Variants in DGKE observed in about 807,000 individuals in gnomAD.
DGKE encodes DAG kinase epsilon.
In DGKE, 53 loss-of-function variants were observed where a neutral mutation model predicts 70.0. That is an observed-to-expected ratio of 0.76 (90% CI 0.61 to 0.95). The LOEUF (loss-of-function observed/expected upper bound fraction) is 0.95, where lower values mean the gene tolerates loss of function less well. Ranked by LOEUF, DGKE falls within the 40% of genes least tolerant of loss-of-function variation. The pLI is 0.00. For synonymous variants in DGKE, 291 were observed against 257.0 expected (o/e 1.13, Z -1.27); for missense variants, 655 against 706.9 (o/e 0.93, Z 0.83).
intron 3 of DGKE, among the ~76,000 whole-genome samples, chr17:56,844,409 A>G (rs575804140): frequency 1.2e-4 from 18 of 152,320 alleles, no homozygotes; most frequent in African/African-American, 4.3e-4. Context: ...TTTCATGTCT[A>G]AAAGGAAATT....
chr17:56,849,287 G>T (rs533679722), intron 7 of DGKE, 55 bp downstream of exon 7: 2 of 1,499,522 alleles, frequency 1.3e-6, no homozygotes, highest in South Asian at 1.2e-5. Context: ...CACAAGATAC[G>T]GCACTCTGTG....
At chr17:56,859,249 C>T (rs1431780331) in intron 9 of DGKE, among the ~76,000 whole-genome samples, 1 of 151,118 alleles carries the variant, frequency 6.6e-6, no homozygotes, top group Non-Finnish European at 1.5e-5. Context: ...GGCGTGGACC[C>T]GGGAGGCGGA....
intron 8 of DGKE, 149 bp downstream of exon 8, chr17:56,856,774 A>G: frequency 1.9e-6 from 2 of 1,026,136 alleles, no homozygotes; most frequent in South Asian, 2.0e-5. Context: ...GTCAAATTAG[A>G]TCTTTTTTTT....
chr17:56,836,065 G>C (rs1906598760), intron 2 of DGKE: 1 of 152,214 alleles, frequency 6.6e-6, no homozygotes, highest in Non-Finnish European at 1.5e-5. Context: ...AGGATTTCCA[G>C]CTCTGGACTA....
intron 2 of DGKE, among the ~76,000 whole-genome samples, chr17:56,837,757 AG>A (rs1385571099): frequency 6.6e-6 from 1 of 152,246 alleles, no homozygotes; most frequent in East Asian, 1.9e-4. Flanking sequence ...TCTCATTCTT[AG>A]GGAAGTGAGT....
At chr17:56,843,410 T>C (rs1907103044) in intron 2 of DGKE, among the ~76,000 whole-genome samples, 1 of 152,164 alleles carries the variant, frequency 6.6e-6, no homozygotes, top group Non-Finnish European at 1.5e-5. Context: ...CTGTACGCTT[T>C]TGAGAGGTTG....
rs1206100461 is a variant in DGKE, at chr17:56,862,335, TTCTTTAAACA to T, written c.1524+85_1524+94del. ...TATGTAAAATATACATGCTATACTTTTCTTTAAACAGTGGTTTATGGCTCATGCAGCTGGT... is the reference window on the plus strand; with the variant it reads ...TATGTAAAATATACATGCTATACTTTGTGGTTTATGGCTCATGCAGCTGGT... On this transcript the variant is annotated intron_variant, in intron 11 of 11. Transcript: ENST00000284061. 14 of 1,325,960 alleles carry T rather than the reference TTCTTTAAACA, an allele frequency of 1.1e-5. No homozygotes were observed. In the African/African-American group the frequency reaches 2.0e-4, roughly 19 times the overall value. The allele number at this position is 1,325,960 out of a possible 1,614,324, so 82.1% of individuals were successfully genotyped here.
In DGKE at chr17:56,861,793, A is replaced by G; in HGVS notation, c.1287A>G (p.Leu429=). ...TATCTATTTGTATTTCTTTAAAGCT[A>G]GAACTGGATGGTGAGCGAGTAGCAC... ...ECKDLNKKVE[L]ELDGERVALP... is the part of the protein sequence containing the mutation. Residue 429 remains leucine (L), a splice_region_variant and synonymous_variant, in exon 10 of 12, where the codon CTA becomes CTG. Transcript: ENST00000284061. The G allele has an allele frequency of 1.2e-6, 2 of 1,612,306 alleles. No individual in the cohort carries two copies. The highest frequency in any genetic ancestry group is 1.7e-6 in the Non-Finnish European group (2 of 1,179,612).
intron 3 of DGKE, among the ~76,000 whole-genome samples, chr17:56,844,669 T>G (rs1444535516): frequency 6.6e-6 from 1 of 152,126 alleles, no homozygotes; most frequent in Non-Finnish European, 1.5e-5. Flanking sequence ...CTAAAACTAT[T>G]TTTCTATTTT....
At position 56,867,388 on chromosome 17, in the gene DGKE, T is replaced by C. The variant is rs545034641; in HGVS notation, c.*4597T>C. On this transcript the variant is annotated 3_prime_UTR_variant, in exon 12 of 12. Transcript: ENST00000284061. ...GCTAAGGGAGGCGTATCACCTGAGGTCAGGAGTTTGAGACAAGCCTGGTCA... is the reference window on the plus strand; with the variant it reads ...GCTAAGGGAGGCGTATCACCTGAGGCCAGGAGTTTGAGACAAGCCTGGTCA... The C allele has an allele frequency of 6.6e-6, 1 of 151,646 alleles. No individual in the cohort carries two copies. Among genetic ancestry groups the C allele is most frequent in the East Asian group, 2.0e-4 (1 of 5,112 alleles). 9.4% of individuals were successfully genotyped at this position (151,646 alleles called of 1,614,324 possible).
intron 2 of DGKE, among the ~76,000 whole-genome samples, chr17:56,837,673 A>G (rs2144195414): frequency 6.6e-6 from 1 of 152,360 alleles, no homozygotes; most frequent in South Asian, 2.1e-4. Context: ...ATAGCTACTT[A>G]GAACCTTTAA....
intron 3 of DGKE, among the ~76,000 whole-genome samples, chr17:56,845,312 A>G (rs1907216671): frequency 6.6e-6 from 1 of 152,154 alleles, no homozygotes. Flanking sequence ...GAAAAAAATC[A>G]GTGTCTATTC....
In DGKE at chr17:56,865,332, A is replaced by G. The variant is rs939215341; in HGVS notation, c.*2541A>G. On this transcript the variant is annotated 3_prime_UTR_variant, in exon 12 of 12. Coordinates refer to ENST00000284061, the MANE Select transcript of DGKE (RefSeq NM_003647.3). ...CAGGAAGAAATACATGAAGTAAATC[A>G]TATCTCCATGTCTGTTTCCAGATTT... 3 of 152,184 alleles carry G rather than the reference A, an allele frequency of 2.0e-5. No homozygotes were observed. The highest frequency in any genetic ancestry group is 1.9e-4 in the East Asian group (1 of 5,200). The allele number at this position is 152,184 out of a possible 1,614,324, so 9.4% of individuals were successfully genotyped here. A position where few individuals can be genotyped will look rare whatever the true frequency, so the allele number is the denominator to read the frequency against.
intron 9 of DGKE, among the ~76,000 whole-genome samples, chr17:56,860,011 A>G (rs142377355): frequency 8.1e-4 from 124 of 152,318 alleles, no homozygotes; most frequent in African/African-American, 2.9e-3. Context: ...TTACTTTATC[A>G]TATTTTATTT....
At chr17:56,854,244 A>G (rs1368196138) in intron 7 of DGKE, among the ~76,000 whole-genome samples, 1 of 152,200 alleles carries the variant, frequency 6.6e-6, no homozygotes, top group Non-Finnish European at 1.5e-5. Context: ...CTGCTATTGC[A>G]CAGCTTGGTG....
chr17:56,835,019 G>A lies in DGKE; in HGVS notation c.224G>A (p.Cys75Tyr). The A allele has an allele frequency of 6.2e-7, 1 of 1,612,824 alleles. No individual in the cohort carries two copies. The highest frequency in any genetic ancestry group is 1.7e-5 in the Admixed American group (1 of 60,020). Residue 75 changes from cysteine (C) to tyrosine (Y), a missense_variant, in exon 2 of 12, where the codon TGC becomes TAC. Transcript: ENST00000284061. ...TDLFSQPTYCCVCAQHILQGA... is the reference protein window; with the variant it reads ...TDLFSQPTYCYVCAQHILQGA... ...CTGTTCAGCCAGCCCACCTACTGCT[G>A]CGTGTGCGCGCAGCACATTCTGCAG...
chr17:56,855,367 G>C (rs1242347913), intron 7 of DGKE, among the ~76,000 whole-genome samples: 4 of 151,962 alleles, frequency 2.6e-5, no homozygotes, highest in Non-Finnish European at 5.9e-5. Context: ...AGGTGCACTT[G>C]AGTAAAGTCA....
Position 56,864,026 on chromosome 17 carries a change from G to T in DGKE, c.*1235G>T, listed in dbSNP as rs1430883374. 6.6e-6 allele frequency: 1 copy of T among 152,144 alleles called. No homozygotes were observed. Among genetic ancestry groups the T allele is most frequent in the Non-Finnish European group, 1.5e-5 (1 of 68,032 alleles). 9.4% of individuals were successfully genotyped at this position (152,144 alleles called of 1,614,324 possible). Reference sequence around the variant, plus strand: ...CCTCATTGTATTGAAAAATGAAGGAGGGCATGAAAAGCACTAGGGAACTAC... The same window carrying T: ...CCTCATTGTATTGAAAAATGAAGGATGGCATGAAAAGCACTAGGGAACTAC... On this transcript the variant is annotated 3_prime_UTR_variant, in exon 12 of 12. Coordinates refer to ENST00000284061, the MANE Select transcript of DGKE (RefSeq NM_003647.3).
rs561106243 is a variant in DGKE, at chr17:56,860,150, A to C, written c.1284+1485A>C. Among the ~76,000 whole-genome samples the C allele has an allele frequency of 4.6e-5, 7 of 152,326 alleles. No homozygotes were observed. The South Asian group carries it at 1.4e-3, about 32-fold the overall frequency. ...ATTATACAGAAATAAAATAAATTTT[A>C]TTTATATACCTACAAAATAGTCATT... is the stretch of plus-strand genomic sequence containing the variant. On this transcript the variant is annotated intron_variant, in intron 9 of 11. Coordinates refer to ENST00000284061, the MANE Select transcript of DGKE (RefSeq NM_003647.3).
Sources: allele counts gnomAD v4.1 joint callset (sites outside exome capture counted in the v4.1 genomes callset), GRCh38; gene constraint gnomAD v4.1.1; transcripts MANE v1.5; gene names NCBI Gene and HGNC (gene_info 2026-07-23, HGNC 2026-07-21).